COMMD7: variants seen among roughly 807,000 people sequenced by gnomAD.
COMMD7 encodes COMM domain containing 7, also known as COMM domain-containing protein 7.
COMMD7 carries 28 observed loss-of-function variants against 34.8 expected under a neutral mutation model. That is an observed-to-expected ratio of 0.80 (90% CI 0.60 to 1.10). The LOEUF (loss-of-function observed/expected upper bound fraction) is 1.10, where lower values mean the gene tolerates loss of function less well. Among genes scored for constraint, COMMD7 ranks in the 50% least tolerant of loss-of-function variants. The pLI, the probability that COMMD7 is intolerant of heterozygous loss-of-function variation, is 0.00. For missense variants in COMMD7, 211 were observed against 241.6 expected, an observed-to-expected ratio of 0.87 and a Z score of 0.84; for synonymous variants, 80 against 86.4, an observed-to-expected ratio of 0.93 and a Z score of 0.41.
intron 3 of COMMD7, among the ~76,000 whole-genome samples, chr20:32,712,448 A>C (rs1984517429): frequency 6.6e-6 from 1 of 150,786 alleles, no homozygotes; most frequent in Non-Finnish European, 1.5e-5. Flanking sequence ...GCAGAGGTTG[A>C]AGTGAGCCAA....
At chr20:32,705,664 G>C (rs754018437) in intron 5 of COMMD7, among the ~76,000 whole-genome samples, 6 of 151,940 alleles carry the variant, frequency 3.9e-5, no homozygotes, top group Non-Finnish European at 5.9e-5. Context: ...TGAGCCACCG[G>C]GCCTGGCCAG....
chr20:32,727,556 A>T (rs1985587489), intron 3 of COMMD7, among the ~76,000 whole-genome samples: 1 of 148,682 alleles, frequency 6.7e-6, no homozygotes, highest in African/African-American at 2.5e-5. Flanking sequence ...AAAAAAAAGT[A>T]TTAGATTCAA....
rs760030110 is a variant in COMMD7 at position 32,706,796 on chromosome 20, A to C, written c.242-36T>G. On this transcript the variant is annotated intron_variant, in intron 3 of 8. Transcript: ENST00000278980. ...GGGGAGAAATCAGTTAGAAAGGCAG[A>C]CCAGTGAATTAGTCGGCAATAAGTA... The C allele has an allele frequency of 2.7e-5, 43 of 1,566,258 alleles. 1 individual carries two copies. Among genetic ancestry groups the C allele is most frequent in the Non-Finnish European group, 3.3e-5 (37 of 1,136,782 alleles).
At chr20:32,737,009 C>T (rs1006121016) in intron 1 of COMMD7, among the ~76,000 whole-genome samples, 4 of 151,714 alleles carry the variant, frequency 2.6e-5, no homozygotes, top group Admixed American at 6.6e-5. Context: ...GGTGAAACCC[C>T]GTCTCTACTA....
intron 3 of COMMD7, among the ~76,000 whole-genome samples, chr20:32,717,929 G>T (rs1174466290): frequency 7.1e-6 from 1 of 141,626 alleles, no homozygotes; most frequent in African/African-American, 2.6e-5. Flanking sequence ...GACCAAAAAA[G>T]AAAAAAAAAA....
At chr20:32,742,806 A>G (rs6119279) in intron 1 of COMMD7, among the ~76,000 whole-genome samples, 87,774 of 151,836 alleles carry the variant, frequency 0.58, 27,763 homozygotes, top group East Asian at 0.92. Context: ...AGCCCAGGCC[A>G]AGCTTCCCCG....
rs1460780069 is a variant in COMMD7, at chr20:32,743,329, C to T, written c.63G>A (p.Gln21=). 6.6e-7 allele frequency: 1 copy of T among 1,516,914 alleles called. No individual in the cohort carries two copies. The highest frequency in any genetic ancestry group is 2.0e-5 in the Admixed American group (1 of 49,724). 94.0% of individuals were successfully genotyped at this position (1,516,914 alleles called of 1,614,324 possible). A position where few individuals can be genotyped will look rare whatever the true frequency, so the allele number is the denominator to read the frequency against. ...VPEAVGGDMQ[Q]LNQLGAQQFS... ...CCACCTGCGCGCCCAGCTGGTTCAGCTGCTGCATGTCGCCGCCCACGGCCT... is the reference window on the plus strand; with the variant it reads ...CCACCTGCGCGCCCAGCTGGTTCAGTTGCTGCATGTCGCCGCCCACGGCCT... The change falls in exon 1 of 9, where the codon CAG becomes CAA. Residue 21 remains glutamine (Q), a synonymous_variant. Transcript: ENST00000278980.
intron 1 of COMMD7, among the ~76,000 whole-genome samples, chr20:32,738,032 C>T (rs926276655): frequency 3.9e-5 from 6 of 151,964 alleles, no homozygotes; most frequent in South Asian, 2.1e-4. Context: ...AACACTGATA[C>T]ATTAACAAGT....
In COMMD7 at chr20:32,743,309, T is replaced by C. The variant is rs1601016437; in HGVS notation, c.83A>G (p.Gln28Arg). The change falls in exon 1 of 9, where the codon CAG (glutamine) becomes CGG (arginine). Residue 28 changes from glutamine to arginine, a missense_variant and splice_region_variant. Transcript: ENST00000278980. ...DMQQLNQLGA[Q>R]QFSALTEVLF... ...CCCACGCCCCGCCGCCGGGCCCACC[T>C]GCGCGCCCAGCTGGTTCAGCTGCTG... 3.1e-6 allele frequency: 4 copies of C among 1,283,958 alleles called. No homozygotes were observed. Among genetic ancestry groups the C allele is most frequent in the Non-Finnish European group, 4.0e-6 (4 of 1,001,616 alleles). The allele number at this position is 1,283,958 out of a possible 1,614,324, so 79.5% of individuals were successfully genotyped here.
At chr20:32,735,515 C>T (rs1986091581) in intron 1 of COMMD7, among the ~76,000 whole-genome samples, 1 of 151,972 alleles carries the variant, frequency 6.6e-6, no homozygotes, top group Non-Finnish European at 1.5e-5. Context: ...CAGGGTTTCA[C>T]CATGTTGGCC....
At position 32,743,421 on chromosome 20, in the gene COMMD7, C is replaced by G. The variant is rs1300765115; in HGVS notation, c.-30G>C. 50 of 1,293,700 alleles carry G rather than the reference C, an allele frequency of 3.9e-5. No homozygotes were observed. The highest frequency in any genetic ancestry group is 4.5e-5 in the Non-Finnish European group (46 of 1,018,316). The allele number at this position is 1,293,700 out of a possible 1,614,324, so 80.1% of individuals were successfully genotyped here. A position where few individuals can be genotyped will look rare whatever the true frequency, so the allele number is the denominator to read the frequency against. On this transcript the variant is annotated 5_prime_UTR_variant, in exon 1 of 9. Transcript: ENST00000278980. ...CGCGCCCCAGCCCCGCAGGTTCCAC[C>G]GCCGCCGCCGCCCTGCTCAGCTTCC...
chr20:32,704,597 T>A, intron 6 of COMMD7, 108 bp from the exon 7 acceptor site: 1 of 1,205,430 alleles, frequency 8.3e-7, no homozygotes, highest in Non-Finnish European at 1.2e-6. Flanking sequence ...AGAAGCCATG[T>A]GGGGGCAAGT....
At chr20:32,742,462 A>G (rs536026178) in intron 1 of COMMD7, 1 of 152,052 alleles carries the variant, frequency 6.6e-6, no homozygotes, top group African/African-American at 2.4e-5. Flanking sequence ...GGGGGTGAGA[A>G]GTGTCATTCT....
chr20:32,707,450 G>C (rs1984167782), intron 3 of COMMD7, among the ~76,000 whole-genome samples: 1 of 151,584 alleles, frequency 6.6e-6, no homozygotes, highest in African/African-American at 2.4e-5. Flanking sequence ...CTCCTGAACA[G>C]CTGGGACTAC....
chr20:32,743,285 C>G, intron 1 of COMMD7, 23 bp downstream of exon 1: 1 of 1,506,472 alleles, frequency 6.6e-7, no homozygotes, highest in Non-Finnish European at 8.8e-7. Context: ...GCCCCGCGCC[C>G]CACGCCCCGC....
intron 3 of COMMD7, among the ~76,000 whole-genome samples, chr20:32,711,378 C>G (rs577941930): frequency 7.2e-6 from 1 of 138,850 alleles, no homozygotes; most frequent in East Asian, 2.1e-4. Context: ...GCCTGGACGA[C>G]GGAGTGAGAC....
intron 3 of COMMD7, among the ~76,000 whole-genome samples, chr20:32,711,512 C>G (rs1984446981): frequency 6.6e-6 from 1 of 152,034 alleles, no homozygotes; most frequent in Non-Finnish European, 1.5e-5. Flanking sequence ...GTCCCCACAC[C>G]AAGTTCTTTC....
chr20:32,733,746 G>A (rs1202452277), intron 1 of COMMD7, among the ~76,000 whole-genome samples: 12 of 150,080 alleles, frequency 8.0e-5, no homozygotes, highest in African/African-American at 2.0e-4. Context: ...TTAGCCAGGC[G>A]TGGTGGTGTG....
intron 1 of COMMD7, among the ~76,000 whole-genome samples, chr20:32,734,253 T>C (rs537807170): frequency 6.7e-6 from 1 of 149,544 alleles, no homozygotes; most frequent in Non-Finnish European, 1.5e-5. Flanking sequence ...GGCGGGTGGA[T>C]CACAAGGTCA....
Sources: gnomAD v4.1 joint callset for allele counts (sites outside exome capture counted in the v4.1 genomes callset) on GRCh38, gnomAD v4.1.1 for gene constraint, MANE v1.5 for transcripts, NCBI Gene and HGNC (gene_info 2026-07-23, HGNC 2026-07-21) for gene names.